The following SRGAP3 variants were observed in gnomAD, a reference collection of about 807,000 sequenced individuals.
SRGAP3 encodes SLIT-ROBO Rho GTPase activating protein 3.
In SRGAP3, 39 loss-of-function variants were observed where a neutral mutation model predicts 121.1. That is an observed-to-expected ratio of 0.32 (90% CI 0.25 to 0.42). SRGAP3 has a LOEUF of 0.42. SRGAP3 is among the 10% of genes least tolerant of loss of function. SRGAP3 has a pLI of 1.00. For synonymous variants in SRGAP3, 601 were observed against 570.0 expected (o/e 1.05, Z -0.77); for missense variants, 1,213 against 1,470.6 (o/e 0.82, Z 2.86).
chr3:9,123,630 G>C (rs1051099513), intron 2 of SRGAP3, among the ~76,000 whole-genome samples: 1 of 151,840 alleles, frequency 6.6e-6, no homozygotes, highest in Non-Finnish European at 1.5e-5. Context: ...TCTTGAACCC[G>C]GGAGTTGGAG....
chr3:8,985,418 C>G lies in SRGAP3; in HGVS notation c.*101G>C. On this transcript the variant is annotated 3_prime_UTR_variant, in exon 22 of 22. Coordinates refer to ENST00000383836, the MANE Select transcript of SRGAP3 (RefSeq NM_014850.4). The surrounding 1 kb of genome is among the most constrained non-coding windows in gnomAD (Gnocchi z 5.1). The stretch of plus-strand genomic sequence containing the variant: ...ACACCCTCCCAGACGGACCTCTGCC[C>G]TCCAAGGCCAGGGTCACTGGGAAGC... 1.3e-6 allele frequency: 2 copies of G among 1,556,156 alleles called. No homozygotes were observed. Among genetic ancestry groups the G allele is most frequent in the Non-Finnish European group, 1.7e-6 (2 of 1,158,676 alleles).
Position 9,072,131 on chromosome 3 carries a change from A to C in SRGAP3, c.487-7550T>G, listed in dbSNP as rs1439307922. Among the ~76,000 whole-genome samples, 7 of 152,304 alleles carry C rather than the reference A, an allele frequency of 4.6e-5. No individual in the cohort carries two copies. In the East Asian group the frequency reaches 1.4e-3, roughly 29 times the overall value. ...ATATCAGTCCTGATCCCAACCGGCC[A>C]GGCTCAGTGCAGTGACTCAGGAGCA... On this transcript the variant is annotated intron_variant, in intron 4 of 21. Coordinates refer to ENST00000383836, the MANE Select transcript of SRGAP3 (RefSeq NM_014850.4).
At position 8,984,430 on chromosome 3, in the gene SRGAP3, A is replaced by T. The variant is rs887848540; in HGVS notation, c.*1089T>A. The T allele has an allele frequency of 6.5e-5, 15 of 231,614 alleles. No individual in the cohort carries two copies. Among genetic ancestry groups the T allele is most frequent in the South Asian group, 1.8e-4 (1 of 5,526 alleles). The allele number at this position is 231,614 out of a possible 1,614,324, so 14.3% of individuals were successfully genotyped here. ...AATCTGACACAGTATAATTAGTAGA[A>T]CCAGGAAAAGAAAAAATTAAATAGT... On this transcript the variant is annotated 3_prime_UTR_variant, in exon 22 of 22. Coordinates refer to ENST00000383836, the MANE Select transcript of SRGAP3 (RefSeq NM_014850.4).
intron 9 of SRGAP3, chr3:9,049,467 C>G (rs610457): frequency 0.58 from 263,725 of 455,878 alleles, 78,954 homozygotes; most frequent in African/African-American, 0.85. Flanking sequence ...CATCAGGCCC[C>G]TTCTACCCAG....
At chr3:9,106,763 T>G (rs1213499898) in intron 2 of SRGAP3, among the ~76,000 whole-genome samples, 2 of 151,854 alleles carry the variant, frequency 1.3e-5, no homozygotes, top group African/African-American at 4.8e-5. Context: ...GGACAGTGAG[T>G]CCAATTAAAC....
At position 9,218,156 on chromosome 3, in the gene SRGAP3, T is replaced by C. The variant is rs1336765785; in HGVS notation, c.67+30729A>G. ...TAATTTGGAAGGTTTATTAGCAGAC[T>C]GCAGATCCAAAAATGGTCCTCCTCT... is the stretch of plus-strand genomic sequence containing the variant. On this transcript the variant is annotated intron_variant, in intron 1 of 21. Coordinates refer to ENST00000383836, the MANE Select transcript of SRGAP3 (RefSeq NM_014850.4). This position sits in a 1 kb window ranked among gnomAD's most constrained non-coding sequence, Gnocchi z 5.3. The C allele has an allele frequency of 6.6e-6, 1 of 152,212 alleles. No individual in the cohort carries two copies. The highest frequency in any genetic ancestry group is 2.4e-5 in the African/African-American group (1 of 41,444). The allele number at this position is 152,212 out of a possible 1,614,324, so 9.4% of individuals were successfully genotyped here.
At chr3:9,102,250 C>T (rs550427848) in intron 3 of SRGAP3, among the ~76,000 whole-genome samples, 96 of 152,318 alleles carry the variant, frequency 6.3e-4, no homozygotes, top group Non-Finnish European at 4.1e-4. Context: ...CATATTAAAG[C>T]GGCCCCCTGT....
Position 9,032,762 on chromosome 3 carries a change from A to G in SRGAP3, c.1437-10T>C. 1 of 1,611,490 alleles carries G rather than the reference A, an allele frequency of 6.2e-7. No individual in the cohort carries two copies. The highest frequency in any genetic ancestry group is 8.5e-7 in the Non-Finnish European group (1 of 1,177,828). On this transcript the variant is annotated splice_polypyrimidine_tract_variant and intron_variant, in intron 11 of 21. Coordinates refer to ENST00000383836, the MANE Select transcript of SRGAP3 (RefSeq NM_014850.4). ...GGGAAGACAGGGGGGCCTAGGGGAA[A>G]ACGGAACAAAAGAAATCAAGAAAGC...
At chr3:9,156,324 T>C (rs957381576) in intron 1 of SRGAP3, among the ~76,000 whole-genome samples, 1 of 152,232 alleles carries the variant, frequency 6.6e-6, no homozygotes, top group Non-Finnish European at 1.5e-5. Context: ...TCAATCTCAC[T>C]CTCTGCTCTC....
intron 1 of SRGAP3, among the ~76,000 whole-genome samples, chr3:9,332,361 C>T (rs188064954): frequency 3.4e-4 from 52 of 152,288 alleles, no homozygotes; most frequent in Admixed American, 4.6e-4. Context: ...CTCAAGTGAT[C>T]CACCTGCCTT....
chr3:9,354,529 A>C (rs1297609271), intron 1 of SRGAP3, among the ~76,000 whole-genome samples: 1 of 152,012 alleles, frequency 6.6e-6, no homozygotes, highest in Non-Finnish European at 1.5e-5. Context: ...AAACACAAAA[A>C]AAATTAGCCG....
chr3:9,248,889 T>C lies in SRGAP3; in HGVS notation c.63A>G (p.Ile21Met), dbSNP rs946624125. ...KEIIAEYEAQ[I>M]KEIRTQLVEQ... ...CTCTCCCAGCCCGCATCTCACCTTT[T>C]ATTTGGGCTTCATATTCAGCAATGA... Residue 21 changes from isoleucine (I) to methionine (M), a missense_variant, in exon 1 of 22, where the codon ATA (isoleucine) becomes ATG (methionine). Ile to Met is a conservative substitution (Grantham distance 10, BLOSUM62 1). Coordinates refer to ENST00000383836, the MANE Select transcript of SRGAP3 (RefSeq NM_014850.4). 7.4e-6 allele frequency: 12 copies of C among 1,614,094 alleles called. No homozygotes were observed. The African/African-American group carries it at 1.5e-4, about 20-fold the overall frequency.
At chr3:9,050,410 G>A (rs889268295) in intron 9 of SRGAP3, among the ~76,000 whole-genome samples, 1 of 152,186 alleles carries the variant, frequency 6.6e-6, no homozygotes, top group East Asian at 1.9e-4. Flanking sequence ...ATTACAGCCT[G>A]GGGCTCTGTA....
intron 3 of SRGAP3, among the ~76,000 whole-genome samples, chr3:9,325,598 T>C (rs1955504870): frequency 6.6e-6 from 1 of 151,942 alleles, no homozygotes; most frequent in Admixed American, 6.5e-5. Context: ...TCCTAAATCC[T>C]GGGAAAAGGG....
chr3:9,307,709 G>C (rs936680235), intron 3 of SRGAP3, among the ~76,000 whole-genome samples: 1 of 152,180 alleles, frequency 6.6e-6, no homozygotes, highest in South Asian at 2.1e-4. Context: ...AATAGGAATA[G>C]ATTCCAGACA....
At chr3:9,344,565 GGAGGTT>G (rs1352429533) in intron 1 of SRGAP3, among the ~76,000 whole-genome samples, 1 of 150,932 alleles carries the variant, frequency 6.6e-6, no homozygotes, top group Admixed American at 6.6e-5. Context: ...GCCGGGAGGC[GGAGGTT>G]GCAGTGAGCC....
chr3:8,993,021 C>T lies in SRGAP3; in HGVS notation c.2443G>A (p.Ala815Thr), dbSNP rs1296495416. Residue 815 changes from alanine to threonine, a missense_variant, in exon 20 of 22, where the codon GCT becomes ACT. By Grantham distance (58) the Ala-to-Thr change is moderately conservative. This residue lies in a region of SRGAP3 where 420 missense variants were observed against 437.7 expected (regional missense o/e 0.96). Coordinates refer to ENST00000383836, the MANE Select transcript of SRGAP3 (RefSeq NM_014850.4). ...DAFSDSLSQK[A>T]DSEASSGPLL... ...GGCCCACTGCTGGCCTCGCTGTCAG[C>T]CTTCTGGCTCAGGCTGTCGGAGAAG... 6.2e-7 allele frequency: 1 copy of T among 1,614,228 alleles called. No homozygotes were observed. The highest frequency in any genetic ancestry group is 8.5e-7 in the Non-Finnish European group (1 of 1,180,042).
intron 3 of SRGAP3, among the ~76,000 whole-genome samples, chr3:9,315,058 C>T (rs886700764): frequency 6.6e-6 from 1 of 152,216 alleles, no homozygotes; most frequent in African/African-American, 2.4e-5. Context: ...AAAAACTATA[C>T]TGGTCAGGCT....
At chr3:9,320,913 A>G (rs1375204205) in intron 3 of SRGAP3, among the ~76,000 whole-genome samples, 1 of 151,920 alleles carries the variant, frequency 6.6e-6, no homozygotes, top group Non-Finnish European at 1.5e-5. Flanking sequence ...ATATATATAT[A>G]GTGTGTATAT....
Sources: allele counts gnomAD v4.1 joint callset (sites outside exome capture counted in the v4.1 genomes callset), GRCh38; gene constraint gnomAD v4.1.1; regional missense constraint gnomAD v4.1.1; non-coding constraint Gnocchi (gnomAD v3.1); transcripts MANE v1.5; gene names NCBI Gene and HGNC (gene_info 2026-07-23, HGNC 2026-07-21).